CX3CL1: variants seen among roughly 807,000 people sequenced by gnomAD.
CX3CL1 encodes fractalkine.
CX3CL1 carries 1 observed loss-of-function variant against 14.1 expected under a neutral mutation model. The ratio of observed to expected loss-of-function variants is 0.07; its 90% CI spans 0.03 to 0.34. The LOEUF (loss-of-function observed/expected upper bound fraction) is 0.34, where lower values mean the gene tolerates loss of function less well. Ranked by LOEUF, CX3CL1 falls within the 10% of genes least tolerant of loss-of-function variation. The probability of loss-of-function intolerance (pLI) is 0.99; values close to 1 mark genes in which losing one functional copy is unlikely to be tolerated. For missense variants in CX3CL1, 505 were observed against 536.4 expected (o/e 0.94, Z 0.58); for synonymous variants, 255 against 229.6 (o/e 1.11, Z -1.00).
intron 1 of CX3CL1, chr16:57,376,923 G>A (rs1902255270): frequency 6.6e-6 from 1 of 152,186 alleles, no homozygotes; most frequent in South Asian, 2.1e-4. Flanking sequence ...CTGGCTGGAT[G>A]AGGCATTGTC....
rs796299378 is a variant in CX3CL1, at chr16:57,383,190, C to T, written c.*158C>T. On this transcript the variant is annotated 3_prime_UTR_variant, in exon 3 of 3. Coordinates refer to ENST00000006053, the MANE Select transcript of CX3CL1 (RefSeq NM_002996.6). ...ACAAGCTCCAAGCTCCCAGGCATTC[C>T]CCAGGAGGCCAGCCTTGACCATTCT... 2.9e-5 allele frequency: 18 copies of T among 611,282 alleles called. No individual in the cohort carries two copies. The highest frequency in any genetic ancestry group is 2.3e-4 in the African/African-American group (12 of 53,266). The allele number at this position is 611,282 out of a possible 1,614,324, so 37.9% of individuals were successfully genotyped here.
intron 1 of CX3CL1, among the ~76,000 whole-genome samples, chr16:57,374,533 G>A (rs763357969): frequency 1.6e-4 from 24 of 152,142 alleles, no homozygotes; most frequent in Admixed American, 1.3e-3. Context: ...GGGCATGGGA[G>A]GATAAATTCA....
In CX3CL1 at chr16:57,372,696, TC is replaced by T. The variant is rs1445715588; in HGVS notation, c.70+61del. ...TAGGGAGCCCCCAGCCCCTTGTCTA[TC>T]CCTCAAGCCTGACATCAGGGGCCCC... On this transcript the variant is annotated intron_variant, in intron 1 of 2. Transcript: ENST00000006053. 13 of 1,581,602 alleles carry T rather than the reference TC, an allele frequency of 8.2e-6. No homozygotes were observed. The East Asian group carries it at 1.1e-4, about 14-fold the overall frequency.
Position 57,383,322 on chromosome 16 carries a change from A to G in CX3CL1, c.*290A>G, listed in dbSNP as rs969001182. On this transcript the variant is annotated 3_prime_UTR_variant, in exon 3 of 3. Transcript: ENST00000006053. ...TCCCTTTGACGCCATCCCAGCCCCA[A>G]TGAACAATTATTTATTAAATGCCCA... 5.3e-5 allele frequency: 16 copies of G among 299,232 alleles called. No individual in the cohort carries two copies. The highest frequency in any genetic ancestry group is 8.0e-5 in the Non-Finnish European group (13 of 162,666). 18.5% of individuals were successfully genotyped at this position (299,232 alleles called of 1,614,324 possible).
chr16:57,382,986 T>G lies in CX3CL1; in HGVS notation c.1148T>G (p.Ile383Ser). ...AGEMAEGLRY[I>S]PRSCGSNSYV... ...GAGATGGCGGAGGGCCTTCGCTACA[T>G]CCCCCGGAGCTGTGGTAGTAATTCA... is the stretch of plus-strand genomic sequence containing the variant. Residue 383 changes from isoleucine to serine, a missense_variant, in exon 3 of 3, where the codon ATC (isoleucine) becomes AGC (serine). Physicochemically the swap from Ile to Ser is moderately radical, Grantham distance 142. Transcript: ENST00000006053. The surrounding 1 kb of genome is among the most constrained non-coding windows in gnomAD (Gnocchi z 6.9). The G allele has an allele frequency of 6.7e-7, 1 of 1,500,814 alleles. No individual in the cohort carries two copies. Among genetic ancestry groups the G allele is most frequent in the Non-Finnish European group, 8.9e-7 (1 of 1,122,182 alleles). The allele number at this position is 1,500,814 out of a possible 1,614,324, so 93.0% of individuals were successfully genotyped here.
chr16:57,383,159 A>C lies in CX3CL1; in HGVS notation c.*127A>C, dbSNP rs1409885927. On this transcript the variant is annotated 3_prime_UTR_variant, in exon 3 of 3. Coordinates refer to ENST00000006053, the MANE Select transcript of CX3CL1 (RefSeq NM_002996.6). ...TTGGAGGGGGGAGGTGGGATCCTCC[A>C]GGTGCACAAGCTCCAAGCTCCCAGG... 1.2e-6 allele frequency: 1 copy of C among 864,390 alleles called. No homozygotes were observed. Among genetic ancestry groups the C allele is most frequent in the Non-Finnish European group, 1.6e-6 (1 of 626,630 alleles). 53.5% of individuals were successfully genotyped at this position (864,390 alleles called of 1,614,324 possible). A position where few individuals can be genotyped will look rare whatever the true frequency, so the allele number is the denominator to read the frequency against.
chr16:57,381,981 G>A lies in CX3CL1; in HGVS notation c.192-49G>A, dbSNP rs1567554416. ...TGTGCCCCCACACCACGCTGGCCCG[G>A]GTTTCTGGTATCTGGGCATAACCGA... On this transcript the variant is annotated intron_variant, in intron 2 of 2. Coordinates refer to ENST00000006053, the MANE Select transcript of CX3CL1 (RefSeq NM_002996.6). 4 of 1,528,546 alleles carry A rather than the reference G, an allele frequency of 2.6e-6. No homozygotes were observed. In the East Asian group the frequency reaches 9.1e-5, roughly 35 times the overall value. 94.7% of individuals were successfully genotyped at this position (1,528,546 alleles called of 1,614,324 possible). A position where few individuals can be genotyped will look rare whatever the true frequency, so the allele number is the denominator to read the frequency against.
intron 2 of CX3CL1, among the ~76,000 whole-genome samples, chr16:57,380,637 T>G (rs1416125845): frequency 1.1e-4 from 14 of 132,288 alleles, no homozygotes; most frequent in African/African-American, 3.2e-4. Flanking sequence ...AATCACTATC[T>G]CCATTGGACA....
In CX3CL1 at chr16:57,382,338, C is replaced by T. The variant is rs752865713; in HGVS notation, c.500C>T (p.Thr167Ile). Residue 167 changes from threonine to isoleucine, a missense_variant, in exon 3 of 3, where the codon ACC (threonine) becomes ATC (isoleucine). Coordinates refer to ENST00000006053, the MANE Select transcript of CX3CL1 (RefSeq NM_002996.6). This position sits in a 1 kb window ranked among gnomAD's most constrained non-coding sequence, Gnocchi z 6.9. Reference sequence around the variant, plus strand: ...ACGGGCGTGACTGGTTCCTCAGGGACCAGGCTCCCCCCGACGCCAAAGGCT... The same window carrying T: ...ACGGGCGTGACTGGTTCCTCAGGGATCAGGCTCCCCCCGACGCCAAAGGCT... ...LPTGVTGSSGTRLPPTPKAQD... is the reference protein window; with the variant it reads ...LPTGVTGSSGIRLPPTPKAQD... The T allele has an allele frequency of 3.7e-6, 6 of 1,607,612 alleles. No individual in the cohort carries two copies. Among genetic ancestry groups the T allele is most frequent in the Non-Finnish European group, 5.1e-6 (6 of 1,178,168 alleles).
At chr16:57,374,859 G>A (rs1268959433) in intron 1 of CX3CL1, among the ~76,000 whole-genome samples, 2 of 152,212 alleles carry the variant, frequency 1.3e-5, no homozygotes, top group Non-Finnish European at 2.9e-5. Flanking sequence ...AGAGAGGGGT[G>A]GCTGGGCGCA....
Position 57,384,547 on chromosome 16 carries a change from G to GC in CX3CL1, c.*1517dup, listed in dbSNP as rs1425245281. ...CCGACCCTTGCCGTCTACCTGAGGG[G>GC]CCTCTTATGGGCTGGGTTCTACCCA... On this transcript the variant is annotated 3_prime_UTR_variant, in exon 3 of 3. Transcript: ENST00000006053. 1 of 152,360 alleles carries GC rather than the reference G, an allele frequency of 6.6e-6. No individual in the cohort carries two copies. Among genetic ancestry groups the GC allele is most frequent in the East Asian group, 1.9e-4 (1 of 5,200 alleles). 9.4% of individuals were successfully genotyped at this position (152,360 alleles called of 1,614,324 possible). A position where few individuals can be genotyped will look rare whatever the true frequency, so the allele number is the denominator to read the frequency against.
chr16:57,378,203 C>T (rs1160437850), intron 1 of CX3CL1: 1 of 152,204 alleles, frequency 6.6e-6, no homozygotes, highest in Non-Finnish European at 1.5e-5. Flanking sequence ...AACAAAGGAT[C>T]ATCTATTCAG....
In CX3CL1 at chr16:57,372,604, G is replaced by A; in HGVS notation, c.36G>A (p.Leu12=). 6.2e-7 allele frequency: 1 copy of A among 1,613,552 alleles called. No homozygotes were observed. Among genetic ancestry groups the A allele is most frequent in the Non-Finnish European group, 8.5e-7 (1 of 1,179,998 alleles). Reference sequence around the variant, plus strand: ...TATCTCTGTCGTGGCTGCTCCGCTTGGCCACCTTCTGCCATCTGACTGTCC... The same window carrying A: ...TATCTCTGTCGTGGCTGCTCCGCTTAGCCACCTTCTGCCATCTGACTGTCC... The part of the protein sequence containing the change: ...APISLSWLLR[L]ATFCHLTVLL... Residue 12 remains leucine, a synonymous_variant, in exon 1 of 3, where the codon TTG becomes TTA. Coordinates refer to ENST00000006053, the MANE Select transcript of CX3CL1 (RefSeq NM_002996.6).
Position 57,382,685 on chromosome 16 carries a change from A to G in CX3CL1, c.847A>G (p.Met283Val), listed in dbSNP as rs541472573. 16 of 1,612,288 alleles carry G rather than the reference A, an allele frequency of 9.9e-6. No individual in the cohort carries two copies. The South Asian group carries it at 1.6e-4, about 17-fold the overall frequency. The stretch of plus-strand genomic sequence containing the variant: ...CTTCCAGGACTGGGGGCCTGGCAGC[A>G]TGGCCCACGTCTCTGTGGTCCCTGT... Reference protein sequence around the residue: ...DAFQDWGPGSMAHVSVVPVSS... With the variant: ...DAFQDWGPGSVAHVSVVPVSS... Residue 283 changes from methionine to valine, a missense_variant, in exon 3 of 3, where the codon ATG (methionine) becomes GTG (valine). Transcript: ENST00000006053. This position sits in a 1 kb window ranked among gnomAD's most constrained non-coding sequence, Gnocchi z 6.9.
At chr16:57,374,626 G>A (rs1157727499) in intron 1 of CX3CL1, among the ~76,000 whole-genome samples, 3 of 152,034 alleles carry the variant, frequency 2.0e-5, no homozygotes, top group Admixed American at 6.6e-5. Flanking sequence ...GCCACAAAGC[G>A]CTTCCTTAGG....
intron 1 of CX3CL1, 72 bp from the exon 2 acceptor site, chr16:57,379,562 C>T: frequency 3.8e-6 from 6 of 1,599,474 alleles, no homozygotes; most frequent in Non-Finnish European, 5.1e-6. Flanking sequence ...GTGGCCGGGA[C>T]AATCTGGCAC....
At chr16:57,372,714 A>G in intron 1 of CX3CL1, 76 bp downstream of exon 1, 1 of 1,505,220 alleles carries the variant, frequency 6.6e-7, no homozygotes, top group Non-Finnish European at 9.2e-7. Flanking sequence ...GCCTGACATC[A>G]GGGGCCCCAG....
rs1902342146 is a variant in CX3CL1, at chr16:57,382,490, G to A, written c.652G>A (p.Ala218Thr). 1 of 1,612,476 alleles carries A rather than the reference G, an allele frequency of 6.2e-7. No individual in the cohort carries two copies. The highest frequency in any genetic ancestry group is 1.7e-5 in the Admixed American group (1 of 59,918). ...CTGGGCTGAGGCAAAGACCTCTGAG[G>A]CCCCGTCCACCCAGGACCCCTCCAC... ...SLWAEAKTSE[A>T]PSTQDPSTQA... The change falls in exon 3 of 3, where the codon GCC (alanine) becomes ACC (threonine). Residue 218 changes from alanine (A) to threonine (T), a missense_variant. Coordinates refer to ENST00000006053, the MANE Select transcript of CX3CL1 (RefSeq NM_002996.6). The surrounding 1 kb of genome is among the most constrained non-coding windows in gnomAD (Gnocchi z 6.9).
intron 2 of CX3CL1, 70 bp from the exon 3 acceptor site, chr16:57,381,960 C>T: frequency 6.9e-7 from 1 of 1,459,388 alleles, no homozygotes; most frequent in Non-Finnish European, 9.3e-7. Flanking sequence ...TGGTGCTGTG[C>T]CCCCACACCA....
Sources: allele counts gnomAD v4.1 joint callset (sites outside exome capture counted in the v4.1 genomes callset), GRCh38; gene constraint gnomAD v4.1.1; non-coding constraint Gnocchi (gnomAD v3.1); transcripts MANE v1.5; gene names NCBI Gene and HGNC (gene_info 2026-07-23, HGNC 2026-07-21).